CRYBG1: variants seen among roughly 807,000 people sequenced by gnomAD.
The protein encoded by CRYBG1 is beta/gamma crystallin domain-containing protein 1.
A neutral mutation model predicts 189.2 loss-of-function variants in CRYBG1; 139 were observed. That is an observed-to-expected ratio of 0.73 (90% CI 0.64 to 0.85). The LOEUF (loss-of-function observed/expected upper bound fraction) is 0.85. CRYBG1 is among the 40% of genes least tolerant of loss of function. The pLI, the probability that CRYBG1 is intolerant of heterozygous loss-of-function variation, is 0.00. For missense variants in CRYBG1, 2,611 were observed against 2,675.8 expected, an observed-to-expected ratio of 0.98 and a Z score of 0.53; for synonymous variants, 1,023 against 1,017.1, an observed-to-expected ratio of 1.01 and a Z score of -0.11.
chr6:106,433,804 T>G (rs1771398499), intron 1 of CRYBG1, among the ~76,000 whole-genome samples: 1 of 144,872 alleles, frequency 6.9e-6, no homozygotes, highest in East Asian at 2.0e-4. Flanking sequence ...CACACATACA[T>G]ATACATACAT....
chr6:106,361,064 G>T lies in CRYBG1; in HGVS notation c.156G>T (p.Ala52=), dbSNP rs2114279317. Residue 52 remains alanine (A), a synonymous_variant, in exon 1 of 22, where the codon GCG becomes GCT. Coordinates refer to ENST00000633556, the MANE Select transcript of CRYBG1 (RefSeq NM_001371242.2). ...CGVFVPHPLP[A]PAGEARALDV... ...TGTTCGTTCCGCACCCGCTCCCGGC[G>T]CCTGCCGGAGAGGCCAGGTGAGCTC... is the stretch of plus-strand genomic sequence containing the variant. 3 of 1,535,026 alleles carry T rather than the reference G, an allele frequency of 2.0e-6. No individual in the cohort carries two copies. The highest frequency in any genetic ancestry group is 2.6e-6 in the Non-Finnish European group (3 of 1,146,548).
intron 1 of CRYBG1, among the ~76,000 whole-genome samples, chr6:106,366,741 A>T (rs972646066): frequency 6.6e-6 from 1 of 152,228 alleles, no homozygotes; most frequent in African/African-American, 2.4e-5. Flanking sequence ...TATGTAAAGC[A>T]CCCAGCACAG....
intron 2 of CRYBG1, among the ~76,000 whole-genome samples, chr6:106,458,544 T>C (rs1259451214): frequency 1.3e-5 from 2 of 152,262 alleles, no homozygotes; most frequent in African/African-American, 4.8e-5. Context: ...TGCATTTGTA[T>C]GACTGGAACA....
chr6:106,436,358 G>A (rs1017535003), intron 1 of CRYBG1, among the ~76,000 whole-genome samples: 1 of 150,966 alleles, frequency 6.6e-6, no homozygotes, highest in Non-Finnish European at 1.5e-5. Flanking sequence ...GAGTGCAGCG[G>A]CGCGATCTCG....
intron 1 of CRYBG1, among the ~76,000 whole-genome samples, chr6:106,427,930 G>T (rs942007101): frequency 2.0e-5 from 3 of 152,126 alleles, no homozygotes; most frequent in Admixed American, 6.6e-5. Context: ...TGTGCTTGCT[G>T]TTCCCTCTGT....
At chr6:106,380,332 CA>C (rs1770261309) in intron 1 of CRYBG1, among the ~76,000 whole-genome samples, 1 of 152,078 alleles carries the variant, frequency 6.6e-6, no homozygotes. Context: ...TTTGAATTCC[CA>C]AGAGATTCTG....
intron 2 of CRYBG1, among the ~76,000 whole-genome samples, chr6:106,506,168 A>G (rs1773128222): frequency 6.6e-6 from 1 of 152,232 alleles, no homozygotes; most frequent in Admixed American, 6.5e-5. Flanking sequence ...TGATTTGTTT[A>G]GAACAATGTT....
At chr6:106,450,338 C>CTA (rs1227580721) in intron 1 of CRYBG1, among the ~76,000 whole-genome samples, 2 of 152,106 alleles carry the variant, frequency 1.3e-5, no homozygotes. Flanking sequence ...ACACTTTGCT[C>CTA]TATTCCTCTT....
chr6:106,398,867 A>G (rs1770665587), intron 1 of CRYBG1, among the ~76,000 whole-genome samples: 1 of 152,216 alleles, frequency 6.6e-6, no homozygotes, highest in African/African-American at 2.4e-5. Flanking sequence ...CCTTAAAGAC[A>G]AGTGCCATCC....
intron 6 of CRYBG1, among the ~76,000 whole-genome samples, 155 bp downstream of exon 6, chr6:106,525,541 C>T (rs1773720296): frequency 6.6e-6 from 1 of 152,170 alleles, no homozygotes; most frequent in South Asian, 2.1e-4. Flanking sequence ...CATATCTTAA[C>T]AATGTCATTT....
intron 8 of CRYBG1, among the ~76,000 whole-genome samples, chr6:106,537,862 AG>A (rs1489951749): frequency 6.6e-6 from 1 of 152,208 alleles, no homozygotes; most frequent in African/African-American, 2.4e-5. Flanking sequence ...AATCATCAGT[AG>A]GAGCCTGGTT....
At chr6:106,379,335 C>T (rs918196898) in intron 1 of CRYBG1, among the ~76,000 whole-genome samples, 1 of 151,496 alleles carries the variant, frequency 6.6e-6, no homozygotes, top group East Asian at 2.0e-4. Context: ...GATCTTGGCT[C>T]ACAGCAATCT....
intron 21 of CRYBG1, among the ~76,000 whole-genome samples, chr6:106,564,679 C>T (rs1368744348): frequency 2.0e-5 from 3 of 152,138 alleles, no homozygotes; most frequent in African/African-American, 4.8e-5. Flanking sequence ...GGCCCACACC[C>T]GGAGAACCAC....
chr6:106,528,949 CT>C (rs1433656973), intron 7 of CRYBG1, among the ~76,000 whole-genome samples: 283 of 141,112 alleles, frequency 2.0e-3, no homozygotes, highest in Admixed American at 2.2e-3. Flanking sequence ...TTATAATTTT[CT>C]TTTTTTTTTT....
chr6:106,527,085 A>C (rs546257592), intron 6 of CRYBG1, among the ~76,000 whole-genome samples: 1 of 152,110 alleles, frequency 6.6e-6, no homozygotes, highest in East Asian at 1.9e-4. Flanking sequence ...GGTAACTCCA[A>C]AGTTCTCTAA....
rs1771850718 is a variant in CRYBG1, at chr6:106,360,796, C to T, written c.-113C>T. 1.5e-6 allele frequency: 2 copies of T among 1,290,364 alleles called. No individual in the cohort carries two copies. Among genetic ancestry groups the T allele is most frequent in the Non-Finnish European group, 2.0e-6 (2 of 981,352 alleles). The allele number at this position is 1,290,364 out of a possible 1,614,324, so 79.9% of individuals were successfully genotyped here. ...GCATCCGCGACGAGGGGGCGGGGTC[C>T]CACGGCGCGCTGAGAAAGGCGGGCG... On this transcript the variant is annotated 5_prime_UTR_variant, in exon 1 of 22. Coordinates refer to ENST00000633556, the MANE Select transcript of CRYBG1 (RefSeq NM_001371242.2).
At chr6:106,528,104 G>A (rs1773794964) in intron 7 of CRYBG1, among the ~76,000 whole-genome samples, 3 of 152,166 alleles carry the variant, frequency 2.0e-5, no homozygotes, top group Admixed American at 2.0e-4. Context: ...ATGGAGACGA[G>A]TGTCAAGATG....
intron 11 of CRYBG1, among the ~76,000 whole-genome samples, 183 bp downstream of exon 11, chr6:106,543,780 G>C (rs1328805679): frequency 6.6e-6 from 1 of 152,178 alleles, no homozygotes; most frequent in East Asian, 1.9e-4. Flanking sequence ...GGCTGGGTGT[G>C]GTGGCTCACA....
chr6:106,473,671 T>C (rs1312012477), intron 2 of CRYBG1, among the ~76,000 whole-genome samples: 1 of 152,218 alleles, frequency 6.6e-6, no homozygotes, highest in Non-Finnish European at 1.5e-5. Flanking sequence ...GATGATCTGT[T>C]TTGCCATTCC....
Sources: gnomAD v4.1 joint callset for allele counts (sites outside exome capture counted in the v4.1 genomes callset) on GRCh38, gnomAD v4.1.1 for gene constraint, MANE v1.5 for transcripts, NCBI Gene and HGNC (gene_info 2026-07-23, HGNC 2026-07-21) for gene names.